The following MANBA variants were observed in gnomAD, a reference collection of about 807,000 sequenced individuals.
MANBA encodes the protein mannosidase beta, also known as beta-mannosidase.
In MANBA, 83 loss-of-function variants were observed where a neutral mutation model predicts 111.1. The ratio of observed to expected loss-of-function variants is 0.75; its 90% CI spans 0.63 to 0.90. The LOEUF is 0.90. MANBA is among the 40% of genes least tolerant of loss of function. The pLI is 0.00. For synonymous variants in MANBA, 370 were observed against 378.7 expected, an observed-to-expected ratio of 0.98 and a Z score of 0.27; for missense variants, 1,036 against 1,069.0, an observed-to-expected ratio of 0.97 and a Z score of 0.43.
intron 11 of MANBA, chr4:102,662,658 C>T (rs752088134): frequency 6.3e-6 from 1 of 158,780 alleles, no homozygotes; most frequent in South Asian, 1.6e-4. Flanking sequence ...ATTCTCTAGG[C>T]CTTTTAGAAA....
intron 16 of MANBA, among the ~76,000 whole-genome samples, chr4:102,634,334 G>T (rs1397597765): frequency 6.6e-6 from 1 of 152,148 alleles, no homozygotes; most frequent in East Asian, 1.9e-4. Context: ...GCGTCAGCTG[G>T]GCTCCAATGC....
intron 7 of MANBA, among the ~76,000 whole-genome samples, chr4:102,678,375 T>C (rs1193368048): frequency 6.6e-6 from 1 of 151,846 alleles, no homozygotes; most frequent in Non-Finnish European, 1.5e-5. Context: ...GCAGTCTTGA[T>C]AGTCACATAA....
intron 11 of MANBA, among the ~76,000 whole-genome samples, chr4:102,659,759 C>A (rs544352968): frequency 2.6e-5 from 4 of 152,240 alleles, no homozygotes; most frequent in Non-Finnish European, 4.4e-5. Flanking sequence ...TAAAGCAGTT[C>A]TTTCTGTCCC....
Position 102,691,514 on chromosome 4 carries a change from C to CT in MANBA, c.674-744dup, listed in dbSNP as rs544931674. On this transcript the variant is annotated intron_variant, in intron 5 of 16. Transcript: ENST00000647097. ...GAAGGCTTTCTCTCTTTTCTTTTTC[C>CT]TTTTTTTTTTTTTTTTTGACACAGG... is the stretch of plus-strand genomic sequence containing the variant. Among the ~76,000 whole-genome samples the CT allele has an allele frequency of 8.3e-3, 1,142 of 137,054 alleles. 10 individuals carry two copies. The highest frequency in any genetic ancestry group is 0.02 in the African/African-American group (757 of 37,668). The allele number at this position is 137,054 out of a possible 152,430, so 89.9% of individuals were successfully genotyped here.
chr4:102,640,724 A>G (rs186672107), intron 13 of MANBA, among the ~76,000 whole-genome samples: 52 of 152,336 alleles, frequency 3.4e-4, no homozygotes, highest in African/African-American at 1.2e-3. Flanking sequence ...AGAATGGTGC[A>G]TATGGCCACC....
intron 5 of MANBA, among the ~76,000 whole-genome samples, chr4:102,698,453 A>T (rs1327876937): frequency 2.0e-5 from 3 of 148,660 alleles, no homozygotes; most frequent in South Asian, 2.2e-4. Context: ...CTGAATGGTA[A>T]TGCCTAGGTT....
chr4:102,657,831 C>A lies in MANBA; in HGVS notation c.1555G>T (p.Val519Phe). Residue 519 changes from valine (V) to phenylalanine (F), a missense_variant, in exon 12 of 17, where the codon GTC becomes TTC. Coordinates refer to ENST00000647097, the MANE Select transcript of MANBA (RefSeq NM_005908.4). ...NGAETVAEAW[V>F]SQNPNSNYFG... ...TAATTGCTATTAGGGTTTTGAGAGACCCAGGCTTCTGCAACAGTTTCAGCC... is the reference window on the plus strand; with the variant it reads ...TAATTGCTATTAGGGTTTTGAGAGAACCAGGCTTCTGCAACAGTTTCAGCC... 2 of 1,613,894 alleles carry A rather than the reference C, an allele frequency of 1.2e-6. No individual in the cohort carries two copies. The highest frequency in any genetic ancestry group is 1.7e-6 in the Non-Finnish European group (2 of 1,179,794).
rs1212860175 is a variant in MANBA, at chr4:102,723,945, T to C, written c.295A>G (p.Ile99Val). The C allele has an allele frequency of 3.1e-5, 50 of 1,609,174 alleles. No individual in the cohort carries two copies. The highest frequency in any genetic ancestry group is 1.6e-4 in the Middle Eastern group (1 of 6,074). Residue 99 changes from isoleucine to valine, a missense_variant, in exon 3 of 17, where the codon ATT becomes GTT. By Grantham distance (29) the Ile-to-Val change is conservative (BLOSUM62 3). Transcript: ENST00000647097. ...GAAACCGTATCCACTCCCTCAAGAA[T>C]CAAATTTACTTTTTGCCATTTGCTA... ...EISKWQKVNL[I>V]LEGVDTVSKI...
chr4:102,656,668 G>T (rs973329266), intron 12 of MANBA, among the ~76,000 whole-genome samples: 4 of 151,856 alleles, frequency 2.6e-5, no homozygotes, highest in Admixed American at 2.6e-4. Context: ...CCAAACAGAG[G>T]AAACAACACA....
Position 102,655,570 on chromosome 4 carries a change from C to T in MANBA, c.1704+2112G>A, listed in dbSNP as rs549495607. The stretch of plus-strand genomic sequence containing the variant: ...GGGGGAAAGAATAGTGTTTTTAATA[C>T]ATGCTATTGGAACAACTGGCTATAC... On this transcript the variant is annotated intron_variant, in intron 12 of 16. Coordinates refer to ENST00000647097, the MANE Select transcript of MANBA (RefSeq NM_005908.4). 3.2e-4 allele frequency among the ~76,000 whole-genome samples: 49 copies of T among 152,266 alleles called. No homozygotes were observed. In the Middle Eastern group the frequency reaches 0.01, roughly 32 times the overall value.
rs1314031888 is a variant in MANBA, at chr4:102,689,351, A to AG, written c.960+222_960+223insC. Among the ~76,000 whole-genome samples the AG allele has an allele frequency of 2.8e-3, 293 of 105,102 alleles. 1 individual carries two copies. The highest frequency in any genetic ancestry group is 9.6e-3 in the African/African-American group (243 of 25,400). The allele number at this position is 105,102 out of a possible 152,430, so 69.0% of individuals were successfully genotyped here. ...GTGACAGAGCAAGACTCTGTCTCAA[A>AG]AAAAAAAAATATATATATATATATA... On this transcript the variant is annotated intron_variant, in intron 7 of 16. Transcript: ENST00000647097.
intron 15 of MANBA, 139 bp downstream of exon 15, chr4:102,635,726 G>A (rs1441374752): frequency 1.2e-6 from 1 of 831,906 alleles, no homozygotes; most frequent in Non-Finnish European, 1.9e-6. Context: ...CATGATTAAT[G>A]GCAGGGTTGT....
chr4:102,693,844 CA>C (rs33928017), intron 5 of MANBA, among the ~76,000 whole-genome samples: 10,219 of 152,088 alleles, frequency 0.067, 962 homozygotes, highest in African/African-American at 0.21. Flanking sequence ...TCTCTAATGA[CA>C]AAAAAACCTC....
chr4:102,758,493 T>A (rs1724108606), intron 1 of MANBA, among the ~76,000 whole-genome samples: 1 of 152,032 alleles, frequency 6.6e-6, no homozygotes, highest in African/African-American at 2.4e-5. Context: ...GACAACAGTC[T>A]CACATTACTG....
chr4:102,699,357 C>T (rs1732898975), intron 5 of MANBA, among the ~76,000 whole-genome samples: 1 of 151,758 alleles, frequency 6.6e-6, no homozygotes. Context: ...ATTTCCTTCT[C>T]CTGCCTAATT....
chr4:102,712,329 A>G (rs1722109676), intron 5 of MANBA, among the ~76,000 whole-genome samples: 1 of 152,196 alleles, frequency 6.6e-6, no homozygotes, highest in African/African-American at 2.4e-5. Flanking sequence ...GTCACTAGTG[A>G]CTAATAAAGT....
intron 14 of MANBA, among the ~76,000 whole-genome samples, chr4:102,638,952 C>T (rs899053589): frequency 6.6e-6 from 1 of 152,222 alleles, no homozygotes; most frequent in Non-Finnish European, 1.5e-5. Flanking sequence ...AACCTTTCTA[C>T]TTTGTGGCCT....
chr4:102,747,075 C>T (rs1445415466), intron 1 of MANBA, among the ~76,000 whole-genome samples: 2 of 151,920 alleles, frequency 1.3e-5, no homozygotes, highest in Non-Finnish European at 2.9e-5. Context: ...AGAACTCCAT[C>T]CTTAATATTC....
intron 13 of MANBA, among the ~76,000 whole-genome samples, chr4:102,649,960 T>C (rs1267509357): frequency 1.3e-5 from 2 of 152,192 alleles, no homozygotes; most frequent in Non-Finnish European, 2.9e-5. Context: ...TTGCCCAGGC[T>C]GGTCTCAAAC....
Sources: gnomAD v4.1 joint callset for allele counts (sites outside exome capture counted in the v4.1 genomes callset) on GRCh38, gnomAD v4.1.1 for gene constraint, MANE v1.5 for transcripts, NCBI Gene and HGNC (gene_info 2026-07-23, HGNC 2026-07-21) for gene names.